TCHH: variants seen among roughly 807,000 people sequenced by gnomAD.
TCHH encodes trichohyalin.
Under a neutral mutation model 6.3 loss-of-function variants are expected in TCHH, and 6 were observed. That is an observed-to-expected ratio of 0.95 (90% confidence interval 0.52 to 1.88). The LOEUF (loss-of-function observed/expected upper bound fraction) is 1.88. TCHH is among the 40% of genes most tolerant of loss of function. The pLI is 0.01. For synonymous variants in TCHH, 1,087 were observed against 963.6 expected (o/e 1.13, Z -2.37); for missense variants, 2,920 against 2,449.1 (o/e 1.19, Z -4.06).
chr1:152,110,345 T>C lies in TCHH; in HGVS notation c.2872A>G (p.Arg958Gly). The change falls in exon 3 of 3, where the codon AGG becomes GGG. Residue 958 changes from arginine to glycine, a missense_variant. By Grantham distance (125) the Arg-to-Gly change is moderately radical. Coordinates refer to ENST00000614923, the MANE Select transcript of TCHH (RefSeq NM_007113.4). ...AGCTTCTTATCCTTCCGATATTGCC[T>C]TTCCCGCTCCTGGCGTCTTCTTTTC... ...REKRRRQERE[R>G]QYRKDKKLQQ... 6.2e-7 allele frequency: 1 copy of C among 1,610,940 alleles called. No individual in the cohort carries two copies.
rs1016970803 is a variant in TCHH at position 152,106,445 on chromosome 1, T to G, written c.*940A>C. On this transcript the variant is annotated 3_prime_UTR_variant, in exon 3 of 3. Transcript: ENST00000614923. ...GTCTTGTCAAAGGGCCTCTAGAAATTTGCCCCTATGTTCACACATTTTTCC... is the reference window on the plus strand; with the variant it reads ...GTCTTGTCAAAGGGCCTCTAGAAATGTGCCCCTATGTTCACACATTTTTCC... 5 of 152,210 alleles carry G rather than the reference T, an allele frequency of 3.3e-5. No individual in the cohort carries two copies. The highest frequency in any genetic ancestry group is 7.3e-5 in the Non-Finnish European group (5 of 68,036). 9.4% of individuals were successfully genotyped at this position (152,210 alleles called of 1,614,324 possible).
At position 152,110,420 on chromosome 1, in the gene TCHH, C is replaced by T; in HGVS notation, c.2797G>A (p.Glu933Lys). The T allele has an allele frequency of 6.2e-7, 1 of 1,614,122 alleles. No homozygotes were observed. Among genetic ancestry groups the T allele is most frequent in the Non-Finnish European group, 8.5e-7 (1 of 1,180,018 alleles). ...RQEQERQYRE[E>K]EQLQQEEEQL... ...TCTTCCTCCTGCTGCAGCTGCTCTT[C>T]CTCGCGGTATTGTCTCTCCTGTTCT... The change falls in exon 3 of 3, where the codon GAA (glutamate) becomes AAA (lysine). Residue 933 changes from glutamate to lysine, a missense_variant. Coordinates refer to ENST00000614923, the MANE Select transcript of TCHH (RefSeq NM_007113.4).
chr1:152,112,139 G>C lies in TCHH; in HGVS notation c.1078C>G (p.Arg360Gly), dbSNP rs1453169019. Residue 360 changes from arginine to glycine, a missense_variant, in exon 3 of 3, where the codon CGC becomes GGC. Coordinates refer to ENST00000614923, the MANE Select transcript of TCHH (RefSeq NM_007113.4). The part of the protein sequence containing the change: ...QLRREQEEER[R>G]EQQLRREQEE... ...TGCTCGCGCCTCAGCTGCTGCTCGC[G>C]CCTCTCCTCCTCCTGCTCGCGCCTC... The C allele has an allele frequency of 6.4e-7, 1 of 1,570,900 alleles. No homozygotes were observed. The highest frequency in any genetic ancestry group is 2.3e-5 in the East Asian group (1 of 43,540).
chr1:152,111,529 C>T lies in TCHH; in HGVS notation c.1688G>A (p.Arg563Gln), dbSNP rs1658350828. The T allele has an allele frequency of 6.5e-7, 1 of 1,537,246 alleles. No individual in the cohort carries two copies. The highest frequency in any genetic ancestry group is 8.8e-7 in the Non-Finnish European group (1 of 1,131,648). ...EEEKRLEQER[R>Q]EQRLKREQEE... The stretch of plus-strand genomic sequence containing the variant: ...CTGCTCGCGCTTCAGCCGCTGCTCT[C>T]GCCTCTCCTGCTCGAGCCTCTTCTC... The change falls in exon 3 of 3, where the codon CGA becomes CAA. Residue 563 changes from arginine (R) to glutamine (Q), a missense_variant. Physicochemically the swap from Arg to Gln is conservative, Grantham distance 43. Coordinates refer to ENST00000614923, the MANE Select transcript of TCHH (RefSeq NM_007113.4).
Position 152,108,075 on chromosome 1 carries a change from C to CTGT in TCHH, c.5139_5141dup (p.Gln1715dup), listed in dbSNP as rs1348174596. 5.0e-6 allele frequency: 8 copies of CTGT among 1,613,372 alleles called. No homozygotes were observed. The highest frequency in any genetic ancestry group is 5.9e-6 in the Non-Finnish European group (7 of 1,179,846). On this transcript the variant is annotated inframe_insertion, in exon 3 of 3. Transcript: ENST00000614923. ...TCTCCAGTTCCTGGCGGCGCAGCTG[C>CTGT]TGTTCCTCCTGGAGGAATTTTCTCT...
In TCHH at chr1:152,106,452, T is replaced by A. The variant is rs1658105956; in HGVS notation, c.*933A>T. The stretch of plus-strand genomic sequence containing the variant: ...CAAAGGGCCTCTAGAAATTTGCCCC[T>A]ATGTTCACACATTTTTCCCTTTTAC... On this transcript the variant is annotated 3_prime_UTR_variant, in exon 3 of 3. Coordinates refer to ENST00000614923, the MANE Select transcript of TCHH (RefSeq NM_007113.4). The A allele has an allele frequency of 6.6e-6, 1 of 152,234 alleles. No individual in the cohort carries two copies. Among genetic ancestry groups the A allele is most frequent in the Non-Finnish European group, 1.5e-5 (1 of 68,038 alleles). The allele number at this position is 152,234 out of a possible 1,614,324, so 9.4% of individuals were successfully genotyped here.
At position 152,111,186 on chromosome 1, in the gene TCHH, C is replaced by T. The variant is rs1289175111; in HGVS notation, c.2031G>A (p.Glu677=). 39 of 1,613,210 alleles carry T rather than the reference C, an allele frequency of 2.4e-5. No individual in the cohort carries two copies. The highest frequency in any genetic ancestry group is 3.2e-5 in the Non-Finnish European group (38 of 1,179,846). The change falls in exon 3 of 3, where the codon GAG becomes GAA. Residue 677 remains glutamate (E), a synonymous_variant. Coordinates refer to ENST00000614923, the MANE Select transcript of TCHH (RefSeq NM_007113.4). ...RLEQRLKREH[E]EERREQELAE... ...CTAGCTCCTGCTCGCGCCTCTCTTC[C>T]TCATGCTCGCGCTTCAGCCGCTGCT...
At position 152,110,815 on chromosome 1, in the gene TCHH, T is replaced by TCGGC; in HGVS notation, c.2398_2401dup (p.Glu801GlyfsTer165). On this transcript the variant is annotated frameshift_variant, in exon 3 of 3. Coordinates refer to ENST00000614923, the MANE Select transcript of TCHH (RefSeq NM_007113.4). LOFTEE classifies it low-confidence loss of function (END_TRUNC). ...CCGTTGTTCCCGCTGCTGGCGCTCC[T>TCGGC]CGGCCCTCAGCTGCCTCTCCCGCTG... The TCGGC allele has an allele frequency of 6.2e-7, 1 of 1,608,692 alleles. No individual in the cohort carries two copies. Among genetic ancestry groups the TCGGC allele is most frequent in the Non-Finnish European group, 8.5e-7 (1 of 1,179,780 alleles).
Position 152,112,457 on chromosome 1 carries a change from G to A in TCHH, c.760C>T (p.Arg254Trp), listed in dbSNP as rs370134103. The A allele has an allele frequency of 1.7e-5, 28 of 1,613,142 alleles. No individual in the cohort carries two copies. The African/African-American group carries it at 3.3e-4, about 19-fold the overall frequency. ...KEWRKRETVL[R>W]KEEEKLQEEE... is the part of the protein sequence containing the mutation. ...TCCTGCAACTTCTCTTCTTCCTTCC[G>A]GAGCACTGTCTCGCGCTTCCTCCAC... is the stretch of plus-strand genomic sequence containing the variant. Residue 254 changes from arginine (R) to tryptophan (W), a missense_variant, in exon 3 of 3, where the codon CGG (arginine) becomes TGG (tryptophan). By Grantham distance (101) the Arg-to-Trp change is moderately radical. Transcript: ENST00000614923.
chr1:152,111,140 C>T lies in TCHH; in HGVS notation c.2077G>A (p.Ala693Thr), dbSNP rs776480545. The T allele has an allele frequency of 1.1e-5, 18 of 1,613,844 alleles. No homozygotes were observed. Among genetic ancestry groups the T allele is most frequent in the Non-Finnish European group, 1.4e-5 (17 of 1,180,030 alleles). Residue 693 changes from alanine to threonine, a missense_variant, in exon 3 of 3, where the codon GCC becomes ACC. By Grantham distance (58) the Ala-to-Thr change is moderately conservative (BLOSUM62 0). Transcript: ENST00000614923. ...QELAEEEQEQ[A>T]RERIKSRIPK... is the part of the protein sequence containing the mutation. Reference sequence around the variant, plus strand: ...ATGCGGCTCTTAATCCGCTCCCGGGCCTGTTCCTGCTCCTCCTCAGCTAGC... The same window carrying T: ...ATGCGGCTCTTAATCCGCTCCCGGGTCTGTTCCTGCTCCTCCTCAGCTAGC...
Position 152,107,267 on chromosome 1 carries a change from T to C in TCHH, c.*118A>G. 9.3e-7 allele frequency: 1 copy of C among 1,078,506 alleles called. No individual in the cohort carries two copies. The highest frequency in any genetic ancestry group is 1.3e-6 in the Non-Finnish European group (1 of 760,268). 66.8% of individuals were successfully genotyped at this position (1,078,506 alleles called of 1,614,324 possible). On this transcript the variant is annotated 3_prime_UTR_variant, in exon 3 of 3. Transcript: ENST00000614923. ...TTTAAGATTTTGGAAGAAAAGACAT[T>C]CTAATATCAGAGAGTTTTCCCACAA...
chr1:152,112,791 C>T lies in TCHH; in HGVS notation c.426G>A (p.Gln142=). The T allele has an allele frequency of 1.9e-6, 3 of 1,614,006 alleles. No individual in the cohort carries two copies. Among genetic ancestry groups the T allele is most frequent in the South Asian group, 1.1e-5 (1 of 91,066 alleles). ...EPGQRRRQKR[Q]EQERELAEGE... is the part of the protein sequence containing the mutation. Reference sequence around the variant, plus strand: ...CCTCAGCTAGCTCCCTCTCCTGTTCCTGCCTCTTCTGCCTGCGTCGTTGCC... The same window carrying T: ...CCTCAGCTAGCTCCCTCTCCTGTTCTTGCCTCTTCTGCCTGCGTCGTTGCC... Residue 142 remains glutamine (Q), a synonymous_variant, in exon 3 of 3, where the codon CAG becomes CAA. Coordinates refer to ENST00000614923, the MANE Select transcript of TCHH (RefSeq NM_007113.4).
Position 152,110,760 on chromosome 1 carries a change from C to T in TCHH, c.2457G>A (p.Gln819=). Reference sequence around the variant, plus strand: ...CCCTCTCGCGTCGCTGGCGGCGCCGCTGCTCCTTCTCCTCCTCCTCCGGGA... The same window carrying T: ...CCCTCTCGCGTCGCTGGCGGCGCCGTTGCTCCTTCTCCTCCTCCTCCGGGA... ...RFLPEEEEKE[Q]RRRQRREREK... The change falls in exon 3 of 3, where the codon CAG becomes CAA. Residue 819 remains glutamine, a synonymous_variant. Transcript: ENST00000614923. 6.2e-7 allele frequency: 1 copy of T among 1,608,240 alleles called. No individual in the cohort carries two copies. Among genetic ancestry groups the T allele is most frequent in the African/African-American group, 1.3e-5 (1 of 75,050 alleles).
rs1658106233 is a variant in TCHH at position 152,106,468 on chromosome 1, TC to T, written c.*916del. ...ATTTGCCCCTATGTTCACACATTTT[TC>T]CCTTTTACACCCCCAACATGCTCTA... On this transcript the variant is annotated 3_prime_UTR_variant, in exon 3 of 3. Coordinates refer to ENST00000614923, the MANE Select transcript of TCHH (RefSeq NM_007113.4). The T allele has an allele frequency of 1.3e-5, 2 of 152,204 alleles. No individual in the cohort carries two copies. The highest frequency in any genetic ancestry group is 2.9e-5 in the Non-Finnish European group (2 of 68,042). The allele number at this position is 152,204 out of a possible 1,614,324, so 9.4% of individuals were successfully genotyped here.
intron 1 of TCHH, among the ~76,000 whole-genome samples, chr1:152,115,143 A>G (rs1292575821): frequency 6.6e-6 from 1 of 152,234 alleles, no homozygotes; most frequent in African/African-American, 2.4e-5. Flanking sequence ...ACCCTATCAG[A>G]GCCACACATG....
rs1407504727 is a variant in TCHH at position 152,112,780 on chromosome 1, C to G, written c.437G>C (p.Arg146Thr). The change falls in exon 3 of 3, where the codon AGG becomes ACG. Residue 146 changes from arginine (R) to threonine (T), a missense_variant. Arg to Thr is a moderately conservative substitution (Grantham distance 71). Coordinates refer to ENST00000614923, the MANE Select transcript of TCHH (RefSeq NM_007113.4). ...TTGCTCCTCTCCCTCAGCTAGCTCC[C>G]TCTCCTGTTCCTGCCTCTTCTGCCT... The part of the protein sequence containing the change: ...RRRQKRQEQE[R>T]ELAEGEEQSE... 5.0e-6 allele frequency: 8 copies of G among 1,614,074 alleles called. No homozygotes were observed. The highest frequency in any genetic ancestry group is 6.8e-6 in the Non-Finnish European group (8 of 1,180,034).
Position 152,107,845 on chromosome 1 carries a change from T to G in TCHH, c.5372A>C (p.Gln1791Pro). ...QEREEQQLRS[Q>P]ESDRKFREEE... ...CTCGCGGAATTTTCTGTCAGACTCT[T>G]GGCTGCGCAGCTGCTGTTCCTCCCT... Residue 1791 changes from glutamine (Q) to proline (P), a missense_variant, in exon 3 of 3, where the codon CAA becomes CCA. Gln to Pro is a moderately conservative substitution (Grantham distance 76). Transcript: ENST00000614923. 6.2e-7 allele frequency: 1 copy of G among 1,614,066 alleles called. No individual in the cohort carries two copies. The highest frequency in any genetic ancestry group is 8.5e-7 in the Non-Finnish European group (1 of 1,179,962).
At position 152,112,354 on chromosome 1, in the gene TCHH, C is replaced by T. The variant is rs372784812; in HGVS notation, c.863G>A (p.Arg288Lys). The T allele has an allele frequency of 3.3e-5, 53 of 1,613,404 alleles. No individual in the cohort carries two copies. The highest frequency in any genetic ancestry group is 3.2e-5 in the Non-Finnish European group (38 of 1,180,002). Residue 288 changes from arginine (R) to lysine (K), a missense_variant, in exon 3 of 3, where the codon AGG becomes AAG. Coordinates refer to ENST00000614923, the MANE Select transcript of TCHH (RefSeq NM_007113.4). ...CTGCTGCTCTTCCTCCTGGCGCTCC[C>T]TCCTCAGCTCTTGCCGCTCCAGCTT... ...LRKLERQELR[R>K]ERQEEEQQQQ...
In TCHH at chr1:152,112,447, TCTTC is replaced by T; in HGVS notation, c.766_769del (p.Glu256LysfsTer30). ...CGGCTCCTCTTCCTGCAACTTCTCT[TCTTC>T]CTTCCGGAGCACTGTCTCGCGCTTC... On this transcript the variant is annotated frameshift_variant, in exon 3 of 3. Transcript: ENST00000614923. LOFTEE classifies it low-confidence loss of function (END_TRUNC). 6.2e-7 allele frequency: 1 copy of T among 1,613,848 alleles called. No individual in the cohort carries two copies. Among genetic ancestry groups the T allele is most frequent in the Non-Finnish European group, 8.5e-7 (1 of 1,180,002 alleles).
Sources: allele counts gnomAD v4.1 joint callset (sites outside exome capture counted in the v4.1 genomes callset), GRCh38; gene constraint gnomAD v4.1.1; transcripts MANE v1.5; gene names NCBI Gene and HGNC (gene_info 2026-07-23, HGNC 2026-07-21).